Variants in TBL1XR1 observed in about 807,000 individuals in gnomAD.
TBL1XR1 encodes TBL1X/Y related 1, also known as F-box-like/WD repeat-containing protein TBL1XR1.
Under a neutral mutation model 66.9 loss-of-function variants are expected in TBL1XR1, and 5 were observed. That is an observed-to-expected ratio of 0.07 (90% CI 0.04 to 0.16). The LOEUF is 0.16. Among genes scored for constraint, TBL1XR1 ranks in the 10% least tolerant of loss-of-function variants. The pLI, the probability that TBL1XR1 is intolerant of heterozygous loss-of-function variation, is 1.00. For synonymous variants in TBL1XR1, 210 were observed against 206.0 expected, an observed-to-expected ratio of 1.02 and a Z score of -0.17; for missense variants, 238 against 623.2, an observed-to-expected ratio of 0.38 and a Z score of 6.58.
chr3:177,049,990 T>TA lies in TBL1XR1; in HGVS notation c.702+6dup. 6.2e-7 allele frequency: 1 copy of TA among 1,613,046 alleles called. No individual in the cohort carries two copies. On this transcript the variant is annotated splice_region_variant and intron_variant, in intron 7 of 15. Coordinates refer to ENST00000457928, the MANE Select transcript of TBL1XR1 (RefSeq NM_024665.7). ...ATTATATCCATCATGGATATAGTGATACTCACATTCCAATCTAGAGATGTG... is the reference window on the plus strand; with the variant it reads ...ATTATATCCATCATGGATATAGTGATAACTCACATTCCAATCTAGAGATGTG...
chr3:177,190,497 A>G (rs1736014719), intron 1 of TBL1XR1, among the ~76,000 whole-genome samples: 1 of 152,124 alleles, frequency 6.6e-6, no homozygotes, highest in African/African-American at 2.4e-5. Flanking sequence ...TTGTATTTTT[A>G]GTAGAGCTAA....
intron 1 of TBL1XR1, among the ~76,000 whole-genome samples, chr3:177,168,619 T>C (rs1020802366): frequency 2.0e-5 from 3 of 152,170 alleles, no homozygotes; most frequent in Non-Finnish European, 4.4e-5. Context: ...ACAATGTATT[T>C]CACAATCAGT....
chr3:177,098,078 G>A (rs144171461), intron 2 of TBL1XR1, among the ~76,000 whole-genome samples: 1 of 152,036 alleles, frequency 6.6e-6, no homozygotes, highest in Non-Finnish European at 1.5e-5. Context: ...GCGTGGTGGC[G>A]CATGCCTGTA....
At chr3:177,195,135 TA>T (rs1681979839) in intron 1 of TBL1XR1, among the ~76,000 whole-genome samples, 1 of 151,508 alleles carries the variant, frequency 6.6e-6, no homozygotes, top group Admixed American at 6.6e-5. Context: ...TCAAAAAAAA[TA>T]GTAGTTATTT....
chr3:177,193,869 C>G (rs2109017896), intron 1 of TBL1XR1, among the ~76,000 whole-genome samples: 1 of 152,266 alleles, frequency 6.6e-6, no homozygotes, highest in East Asian at 1.9e-4. Flanking sequence ...ATTTTGTGGC[C>G]TTGAACAAGG....
intron 1 of TBL1XR1, among the ~76,000 whole-genome samples, chr3:177,102,067 T>G (rs1443423326): frequency 6.6e-6 from 1 of 152,228 alleles, no homozygotes; most frequent in Admixed American, 6.5e-5. Flanking sequence ...TATAGAATGC[T>G]AAATCAGATC....
intron 1 of TBL1XR1, among the ~76,000 whole-genome samples, chr3:177,138,345 G>T (rs985587538): frequency 6.6e-6 from 1 of 152,044 alleles, no homozygotes; most frequent in Non-Finnish European, 1.5e-5. Context: ...CTGCAATTTC[G>T]GCATTTTGAG....
intron 1 of TBL1XR1, among the ~76,000 whole-genome samples, chr3:177,175,405 GT>G (rs1237957752): frequency 1.1e-4 from 17 of 152,214 alleles, no homozygotes; most frequent in Admixed American, 9.8e-4. Flanking sequence ...GAACTCACAA[GT>G]TTAATGAATA....
At chr3:177,084,186 T>C (rs1721840362) in intron 2 of TBL1XR1, among the ~76,000 whole-genome samples, 1 of 151,982 alleles carries the variant, frequency 6.6e-6, no homozygotes, top group Non-Finnish European at 1.5e-5. Context: ...TTAACAAACG[T>C]ATGTACCTGA....
chr3:177,089,752 G>C (rs1722594641), intron 2 of TBL1XR1, among the ~76,000 whole-genome samples: 1 of 152,216 alleles, frequency 6.6e-6, no homozygotes, highest in South Asian at 2.1e-4. Context: ...GAAGGGCTCA[G>C]GGGATTGATC....
rs1233434903 is a variant in TBL1XR1, at chr3:177,197,460, T to G, written c.-461A>C. On this transcript the variant is annotated 5_prime_UTR_variant, in exon 1 of 16. Transcript: ENST00000457928. ...TGAGGCAGAAGGTAAAAGCTGTTAC[T>G]AAGGGAAAGAGCCAAACGGTTCGGA... 6.9e-6 allele frequency: 1 copy of G among 145,866 alleles called. No individual in the cohort carries two copies. Among genetic ancestry groups the G allele is most frequent in the Non-Finnish European group, 1.5e-5 (1 of 65,744 alleles). The allele number at this position is 145,866 out of a possible 1,614,324, so 9.0% of individuals were successfully genotyped here. A position where few individuals can be genotyped will look rare whatever the true frequency, so the allele number is the denominator to read the frequency against.
At position 177,096,327 on chromosome 3, in the gene TBL1XR1, T is replaced by TACACACACACACACACAC. The variant is rs1325905920; in HGVS notation, c.-46+2138_-46+2139insGTGTGTGTGTGTGTGTGT. 4.2e-3 allele frequency among the ~76,000 whole-genome samples: 456 copies of TACACACACACACACACAC among 108,254 alleles called. 1 individual carries two copies. The highest frequency in any genetic ancestry group is 9.8e-3 in the Middle Eastern group (2 of 204). The allele number at this position is 108,254 out of a possible 152,430, so 71.0% of individuals were successfully genotyped here. A position where few individuals can be genotyped will look rare whatever the true frequency, so the allele number is the denominator to read the frequency against. Reference sequence around the variant, plus strand: ...CCTTCATCTCTAACACACACTAACATACATACATACACACACACACACACA... The same window carrying TACACACACACACACACAC: ...CCTTCATCTCTAACACACACTAACATACACACACACACACACACACATACATACACACACACACACACA... On this transcript the variant is annotated intron_variant, in intron 2 of 15. Transcript: ENST00000457928.
chr3:177,064,258 T>G (rs1252971587), intron 3 of TBL1XR1, among the ~76,000 whole-genome samples: 1 of 152,180 alleles, frequency 6.6e-6, no homozygotes, highest in African/African-American at 2.4e-5. Flanking sequence ...CCATTGCAAT[T>G]AATCTTTCTC....
At chr3:177,081,069 T>C (rs548355547) in intron 2 of TBL1XR1, among the ~76,000 whole-genome samples, 5 of 152,218 alleles carry the variant, frequency 3.3e-5, no homozygotes, top group Non-Finnish European at 7.3e-5. Context: ...TTTTCTTAAA[T>C]GCAAATTACC....
chr3:177,048,928 A>G (rs994903992), intron 7 of TBL1XR1, among the ~76,000 whole-genome samples: 3 of 152,248 alleles, frequency 2.0e-5, no homozygotes, highest in East Asian at 3.8e-4. Context: ...AAGCTGTAAG[A>G]TATCTGAACT....
chr3:177,177,049 C>A (rs7426956), intron 1 of TBL1XR1, among the ~76,000 whole-genome samples: 1 of 151,946 alleles, frequency 6.6e-6, no homozygotes. Context: ...GGTCTGGTTC[C>A]GGTTGCTCCT....
intron 1 of TBL1XR1, among the ~76,000 whole-genome samples, chr3:177,162,625 C>A (rs1358274738): frequency 1.3e-5 from 2 of 152,048 alleles, no homozygotes; most frequent in African/African-American, 4.8e-5. Flanking sequence ...TAAAACTCAT[C>A]AAAACAGTAC....
chr3:177,077,590 T>C (rs148114752), intron 2 of TBL1XR1, among the ~76,000 whole-genome samples: 175 of 152,344 alleles, frequency 1.1e-3, no homozygotes, highest in African/African-American at 4.1e-3. Context: ...TTCTCCATTC[T>C]ATGGTTCCAA....
At chr3:177,200,669 G>A (rs1324692145), upstream of TBL1XR1, among the ~76,000 whole-genome samples, 2 of 152,206 alleles carry the variant, frequency 1.3e-5, no homozygotes, top group African/African-American at 2.4e-5. Context: ...TTCTAGAAAG[G>A]AGATATTACT....
Sources: allele counts gnomAD v4.1 joint callset (sites outside exome capture counted in the v4.1 genomes callset), GRCh38; gene constraint gnomAD v4.1.1; transcripts MANE v1.5; gene names NCBI Gene and HGNC (gene_info 2026-07-23, HGNC 2026-07-21).